ZBTB37: variants seen among roughly 807,000 people sequenced by gnomAD.
The protein encoded by ZBTB37 is zinc finger and BTB domain-containing protein 37.
ZBTB37 carries 15 observed loss-of-function variants against 37.7 expected under a neutral mutation model. The observed-to-expected ratio is 0.40, with a 90% confidence interval of 0.27 to 0.61. The LOEUF (loss-of-function observed/expected upper bound fraction) is 0.61, where lower values mean the gene tolerates loss of function less well. ZBTB37 is among the 20% of genes least tolerant of loss of function. The pLI is 0.44. For missense variants in ZBTB37, 514 were observed against 641.9 expected (o/e 0.80, Z 2.15); for synonymous variants, 231 against 220.6 (o/e 1.05, Z -0.42).
exon 5 of ZBTB37, chr1:173,886,120 A>G (rs1302915357): frequency 6.5e-7 from 1 of 1,549,774 alleles, no homozygotes; most frequent in Non-Finnish European, 8.7e-7. Context: ...ACTGGGCCAG[A>G]CTGAAACATC....
intron 4 of ZBTB37, among the ~76,000 whole-genome samples, chr1:173,875,678 G>A (rs1655926897): frequency 6.6e-6 from 1 of 151,302 alleles, no homozygotes; most frequent in Admixed American, 6.6e-5. Flanking sequence ...TTCTGAGACA[G>A]GGTCTCACTC....
chr1:173,879,843 C>T (rs1477041759), intron 4 of ZBTB37, among the ~76,000 whole-genome samples: 8 of 152,028 alleles, frequency 5.3e-5, no homozygotes, highest in South Asian at 2.1e-4. Context: ...CTCAGCTACT[C>T]GGGAGGCTGC....
At chr1:173,879,639 A>G (rs1276189108) in intron 4 of ZBTB37, among the ~76,000 whole-genome samples, 1 of 152,156 alleles carries the variant, frequency 6.6e-6, no homozygotes, top group Non-Finnish European at 1.5e-5. Flanking sequence ...GTAAACCCCA[A>G]AAGAACACGG....
chr1:173,877,540 C>A (rs763395140), intron 4 of ZBTB37, among the ~76,000 whole-genome samples: 2 of 151,992 alleles, frequency 1.3e-5, no homozygotes, highest in Non-Finnish European at 2.9e-5. Context: ...GCCACCACAC[C>A]CGGTTAATTT....
chr1:173,874,768 C>G lies in ZBTB37; in HGVS notation c.1023+1202C>G, dbSNP rs534765492. Among the ~76,000 whole-genome samples the G allele has an allele frequency of 3.6e-4, 55 of 152,178 alleles. No homozygotes were observed. In the South Asian group the frequency reaches 5.2e-3, roughly 14 times the overall value. ...TTCTACCCAGCTTTTTATTTGTAGTCCTAGTCAATGCAATAAAGCAAGAAA... is the reference window on the plus strand; with the variant it reads ...TTCTACCCAGCTTTTTATTTGTAGTGCTAGTCAATGCAATAAAGCAAGAAA... On this transcript the variant is annotated intron_variant, in intron 4 of 4. Coordinates refer to ENST00000427304, the Ensembl canonical transcript of ZBTB37.
At chr1:173,875,013 A>G (rs1052686501) in intron 4 of ZBTB37, among the ~76,000 whole-genome samples, 10 of 152,198 alleles carry the variant, frequency 6.6e-5, no homozygotes, top group Middle Eastern at 3.4e-3. Flanking sequence ...CCTGATTATA[A>G]TAACCACACT....
exon 4 of ZBTB37, chr1:173,893,226 A>C (rs1022362699): frequency 2.0e-5 from 3 of 152,160 alleles, no homozygotes; most frequent in African/African-American, 7.2e-5. Flanking sequence ...TTTTATATTC[A>C]GCATCTCATA....
exon 3 of ZBTB37, chr1:173,870,457 A>T: frequency 6.2e-7 from 1 of 1,614,230 alleles, no homozygotes; most frequent in Non-Finnish European, 8.5e-7. Flanking sequence ...CAAGAACCCT[A>T]CTGTTTTTGA....
chr1:173,881,231 T>G (rs1384466884), intron 4 of ZBTB37, among the ~76,000 whole-genome samples: 2 of 151,974 alleles, frequency 1.3e-5, no homozygotes, highest in Non-Finnish European at 2.9e-5. Context: ...TGTGATAGTT[T>G]GCTCAGAATG....
chr1:173,885,730 T>C, exon 5 of ZBTB37: 1 of 1,551,760 alleles, frequency 6.4e-7, no homozygotes, highest in Non-Finnish European at 8.7e-7. Flanking sequence ...AACCCTCGTC[T>C]CACCTGCATC....
At chr1:173,892,186 G>A (rs1289403080) in exon 4 of ZBTB37, 1 of 152,138 alleles carries the variant, frequency 6.6e-6, no homozygotes. Context: ...CTGGAAGGTG[G>A]GACTTGTGAA....
At chr1:173,874,367 A>C (rs1655784200) in intron 4 of ZBTB37, among the ~76,000 whole-genome samples, 1 of 147,880 alleles carries the variant, frequency 6.8e-6, no homozygotes, top group Admixed American at 6.7e-5. Context: ...CGGAGTCTCG[A>C]GTCTCACCCT....
At chr1:173,871,760 T>A (rs1001436351) in intron 3 of ZBTB37, among the ~76,000 whole-genome samples, 8 of 152,184 alleles carry the variant, frequency 5.3e-5, no homozygotes, top group African/African-American at 1.7e-4. Context: ...CCTGACAATC[T>A]CCCTTTTTTT....
downstream of ZBTB37, chr1:173,888,437 A>G (rs567120143): frequency 4.6e-5 from 7 of 151,672 alleles, no homozygotes; most frequent in South Asian, 4.2e-4. Flanking sequence ...TCTTTTTTAT[A>G]TTTTTTAGAG....
exon 4 of ZBTB37, chr1:173,896,894 T>C (rs2102764432): frequency 6.6e-6 from 1 of 152,288 alleles, no homozygotes; most frequent in Admixed American, 6.5e-5. Flanking sequence ...AAAAAAGGGG[T>C]CACTAATAGT....
At chr1:173,900,548 A>G (rs1425241040) in exon 4 of ZBTB37, 1 of 152,252 alleles carries the variant, frequency 6.6e-6, no homozygotes, top group Non-Finnish European at 1.5e-5. Context: ...CAAATGTAGC[A>G]GGCTCTCTTC....
At chr1:173,878,018 A>G (rs1656080264) in intron 4 of ZBTB37, among the ~76,000 whole-genome samples, 1 of 152,142 alleles carries the variant, frequency 6.6e-6, no homozygotes, top group Non-Finnish European at 1.5e-5. Context: ...AACTTTTCCC[A>G]CCACTCATCA....
exon 4 of ZBTB37, chr1:173,896,440 C>T (rs534575011): frequency 2.0e-5 from 3 of 152,296 alleles, no homozygotes; most frequent in East Asian, 3.9e-4. Context: ...GTCTCTCATT[C>T]TCTATTACAG....
At chr1:173,870,022 TAAACTG>T (rs1655435522) in intron 2 of ZBTB37, among the ~76,000 whole-genome samples, 172 bp from the exon 3 acceptor site, 1 of 152,234 alleles carries the variant, frequency 6.6e-6, no homozygotes, top group South Asian at 2.1e-4. Context: ...CTGTGAAACT[TAAACTG>T]AAAAACCTGT....
Sources: gnomAD v4.1 joint callset for allele counts (sites outside exome capture counted in the v4.1 genomes callset) on GRCh38, gnomAD v4.1.1 for gene constraint, MANE v1.5 for transcripts, NCBI Gene and HGNC (gene_info 2026-07-23, HGNC 2026-07-21) for gene names.